The following ZBTB38 variants were observed in gnomAD, a reference collection of about 807,000 sequenced individuals.
The protein encoded by ZBTB38 is zinc finger and BTB domain-containing protein 38.
A neutral mutation model predicts 76.8 loss-of-function variants in ZBTB38; 20 were observed. That is an observed-to-expected ratio of 0.26 (90% CI 0.18 to 0.38). The LOEUF (loss-of-function observed/expected upper bound fraction) is 0.38, where lower values mean the gene tolerates loss of function less well. Among genes scored for constraint, ZBTB38 ranks in the 10% least tolerant of loss-of-function variants. The pLI, the probability that ZBTB38 is intolerant of heterozygous loss-of-function variation, is 1.00. For synonymous variants in ZBTB38, 504 were observed against 544.2 expected (o/e 0.93, Z 1.03); for missense variants, 1,082 against 1,482.3 (o/e 0.73, Z 4.43).
At chr3:141,345,960 T>C (rs1187373334) in intron 1 of ZBTB38, among the ~76,000 whole-genome samples, 40 of 152,096 alleles carry the variant, frequency 2.6e-4, no homozygotes, top group Admixed American at 2.6e-3. Context: ...TGGAAGGCAA[T>C]GTCTGTTCCC....
chr3:141,375,318 T>C (rs1428668272), intron 2 of ZBTB38, among the ~76,000 whole-genome samples: 1 of 152,182 alleles, frequency 6.6e-6, no homozygotes, highest in East Asian at 1.9e-4. Context: ...AAGGTTGAAC[T>C]AGACAAAGGG....
intron 1 of ZBTB38, among the ~76,000 whole-genome samples, chr3:141,352,894 C>G (rs1943559882): frequency 6.6e-6 from 1 of 152,098 alleles, no homozygotes; most frequent in Non-Finnish European, 1.5e-5. Flanking sequence ...AGACACTCGA[C>G]TGCAAAATTG....
chr3:141,331,885 C>G (rs765283536), intron 1 of ZBTB38, among the ~76,000 whole-genome samples: 3 of 152,168 alleles, frequency 2.0e-5, no homozygotes, highest in Non-Finnish European at 4.4e-5. Flanking sequence ...GAGTCAGGGC[C>G]CCTGGGAGTC....
chr3:141,423,568 G>A (rs2075832838), intron 5 of ZBTB38, among the ~76,000 whole-genome samples: 1 of 152,038 alleles, frequency 6.6e-6, no homozygotes, highest in African/African-American at 2.4e-5. Context: ...TACCTCTGAA[G>A]ACAAAGATAA....
chr3:141,406,572 G>T (rs1366690842), intron 5 of ZBTB38, among the ~76,000 whole-genome samples: 1 of 152,138 alleles, frequency 6.6e-6, no homozygotes, highest in Admixed American at 6.6e-5. Flanking sequence ...GGGGCTTTGC[G>T]CTCCACAAGA....
intron 1 of ZBTB38, among the ~76,000 whole-genome samples, chr3:141,332,530 A>G (rs1044777320): frequency 6.6e-6 from 1 of 151,946 alleles, no homozygotes; most frequent in Non-Finnish European, 1.5e-5. Flanking sequence ...CCTCTCCTTT[A>G]TGTTGGGGAT....
intron 5 of ZBTB38, among the ~76,000 whole-genome samples, chr3:141,426,637 A>G (rs79311431): frequency 0.028 from 4,208 of 152,186 alleles, 73 homozygotes; most frequent in East Asian, 0.055. Flanking sequence ...TCCTTTACAA[A>G]CACCCAGCAC....
At chr3:141,343,880 C>T (rs548772764) in intron 1 of ZBTB38, among the ~76,000 whole-genome samples, 2 of 152,286 alleles carry the variant, frequency 1.3e-5, no homozygotes, top group African/African-American at 4.8e-5. Flanking sequence ...GTAAATGACA[C>T]GGATGAGGAC....
chr3:141,422,277 C>T (rs546583826), intron 5 of ZBTB38, among the ~76,000 whole-genome samples: 1 of 152,318 alleles, frequency 6.6e-6, no homozygotes, highest in African/African-American at 2.4e-5. Context: ...GCCCCTTTCT[C>T]TCTGGCCTTT....
intron 1 of ZBTB38, among the ~76,000 whole-genome samples, chr3:141,342,194 G>A (rs1311715167): frequency 1.3e-5 from 2 of 152,046 alleles, no homozygotes; most frequent in African/African-American, 4.8e-5. Context: ...GCGTGGTGGT[G>A]CGTGCCTATA....
At chr3:141,425,326 AT>A (rs1248393201) in intron 5 of ZBTB38, among the ~76,000 whole-genome samples, 1 of 152,272 alleles carries the variant, frequency 6.6e-6, no homozygotes, top group Non-Finnish European at 1.5e-5. Flanking sequence ...TATACATTCA[AT>A]ATTATCTTGA....
intron 5 of ZBTB38, among the ~76,000 whole-genome samples, chr3:141,407,132 T>TA (rs1954801793): frequency 6.6e-6 from 1 of 152,200 alleles, no homozygotes; most frequent in African/African-American, 2.4e-5. Context: ...TTGAGTCCTT[T>TA]AAAAAATACA....
chr3:141,381,946 G>C (rs761021744), intron 3 of ZBTB38, among the ~76,000 whole-genome samples: 5 of 152,168 alleles, frequency 3.3e-5, no homozygotes, highest in African/African-American at 4.8e-5. Context: ...TCATTTTAAT[G>C]ATAAAATAAA....
At position 141,417,126 on chromosome 3, in the gene ZBTB38, A is replaced by G. The variant is rs75020035; in HGVS notation, c.-1+13095A>G. Among the ~76,000 whole-genome samples the G allele has an allele frequency of 3.7e-3, 570 of 152,316 alleles. 3 individuals are homozygous for G. Among genetic ancestry groups the G allele is most frequent in the African/African-American group, 0.013 (549 of 41,558 alleles). On this transcript the variant is annotated intron_variant, in intron 5 of 5. Coordinates refer to ENST00000321464, the MANE Select transcript of ZBTB38 (RefSeq NM_001376113.1). ...GAGTGGCACGAAGAAATGAAATCGCAGTAAGGGTCTGCAGGTGGTTCTGAT... is the reference window on the plus strand; with the variant it reads ...GAGTGGCACGAAGAAATGAAATCGCGGTAAGGGTCTGCAGGTGGTTCTGAT...
chr3:141,397,078 C>A (rs778287244), intron 4 of ZBTB38, among the ~76,000 whole-genome samples: 4 of 152,248 alleles, frequency 2.6e-5, no homozygotes, highest in Non-Finnish European at 5.9e-5. Flanking sequence ...TAGGTGACAT[C>A]TCCTTCCAAT....
rs561027969 is a variant in ZBTB38 at position 141,421,949 on chromosome 3, T to G, written c.-1+17918T>G. Among the ~76,000 whole-genome samples, 4 of 152,344 alleles carry G rather than the reference T, an allele frequency of 2.6e-5. No homozygotes were observed. The South Asian group carries it at 8.3e-4, about 32-fold the overall frequency. ...CAGCACCATCTTGTGGACACAGCAC[T>G]GTGAACTGGGGATGGGCTGTGGTCA... is the stretch of plus-strand genomic sequence containing the variant. On this transcript the variant is annotated intron_variant, in intron 5 of 5. Coordinates refer to ENST00000321464, the MANE Select transcript of ZBTB38 (RefSeq NM_001376113.1).
chr3:141,417,999 C>T (rs370991180), intron 5 of ZBTB38, among the ~76,000 whole-genome samples: 4 of 152,010 alleles, frequency 2.6e-5, no homozygotes, highest in African/African-American at 9.7e-5. Context: ...GGTGACAGAG[C>T]GAGACTCATC....
chr3:141,371,041 C>CTTT (rs1944488920), intron 2 of ZBTB38, among the ~76,000 whole-genome samples: 1 of 75,456 alleles, frequency 1.3e-5, no homozygotes, highest in African/African-American at 6.6e-5. Flanking sequence ...TCTTTTCTTT[C>CTTT]TTTCTTTTTT....
Position 141,444,104 on chromosome 3 carries a change from A to T in ZBTB38, c.1716A>T (p.Lys572Asn). 6.2e-7 allele frequency: 1 copy of T among 1,614,028 alleles called. No individual in the cohort carries two copies. Among genetic ancestry groups the T allele is most frequent in the Non-Finnish European group, 8.5e-7 (1 of 1,179,980 alleles). The change falls in exon 6 of 6, where the codon AAA becomes AAT. Residue 572 changes from lysine (K) to asparagine (N), a missense_variant. By Grantham distance (94) the Lys-to-Asn change is moderately conservative. This residue lies in a region of ZBTB38 where 471 missense variants were observed against 581.0 expected (regional missense o/e 0.81). Transcript: ENST00000321464. The surrounding 1 kb of genome is among the most constrained non-coding windows in gnomAD (Gnocchi z 5.1). ...AACTTTATAGGCTACTGCCTATGAA[A>T]TGCAAGAGAGCCCCTTATAAGAGCT... ...PYKLYRLLPMKCKRAPYKSYR... is the reference protein window; with the variant it reads ...PYKLYRLLPMNCKRAPYKSYR...
Sources: gnomAD v4.1 joint callset for allele counts (sites outside exome capture counted in the v4.1 genomes callset) on GRCh38, gnomAD v4.1.1 for gene constraint, gnomAD v4.1.1 regional missense constraint, Gnocchi (gnomAD v3.1) non-coding constraint, MANE v1.5 for transcripts, NCBI Gene and HGNC (gene_info 2026-07-23, HGNC 2026-07-21) for gene names.